Variants in IPO5 observed in about 807,000 individuals in gnomAD.
IPO5 encodes the protein importin 5, also known as importin-5.
A neutral mutation model predicts 143.3 loss-of-function variants in IPO5; 18 were observed. The ratio of observed to expected loss-of-function variants is 0.13; its 90% CI spans 0.09 to 0.19. The LOEUF (loss-of-function observed/expected upper bound fraction) is 0.19, where lower values mean the gene tolerates loss of function less well. IPO5 is among the 10% of genes least tolerant of loss of function. The pLI is 1.00. For synonymous variants in IPO5, 477 were observed against 465.7 expected, an observed-to-expected ratio of 1.02 and a Z score of -0.31; for missense variants, 1,013 against 1,336.9, an observed-to-expected ratio of 0.76 and a Z score of 3.78.
At chr13:97,983,957 G>A (rs1463892651) in intron 5 of IPO5, among the ~76,000 whole-genome samples, 1 of 139,092 alleles carries the variant, frequency 7.2e-6, no homozygotes, top group African/African-American at 2.6e-5. Context: ...CCCTATATAG[G>A]GTAACTTCTT....
At chr13:97,980,886 G>A (rs1008420577) in intron 4 of IPO5, among the ~76,000 whole-genome samples, 2 of 150,914 alleles carry the variant, frequency 1.3e-5, no homozygotes, top group African/African-American at 2.4e-5. Flanking sequence ...AAATTTAAGT[G>A]TTAAACATTG....
At position 97,993,087 on chromosome 13, in the gene IPO5, AAT is replaced by A. The variant is rs1354289865; in HGVS notation, c.793-15_793-14del. ...TAATCTAAATTATTAAATGTATACA[AAT>A]ATGTCTTCTTTGTAGTTGTGTGGAG... On this transcript the variant is annotated splice_polypyrimidine_tract_variant and intron_variant, in intron 10 of 28. Coordinates refer to ENST00000651721, the MANE Select transcript of IPO5 (RefSeq NM_002271.6). 6.2e-7 allele frequency: 1 copy of A among 1,613,728 alleles called. No homozygotes were observed. Among genetic ancestry groups the A allele is most frequent in the South Asian group, 1.1e-5 (1 of 90,990 alleles).
In IPO5 at chr13:98,016,741, G is replaced by A; in HGVS notation, c.2506G>A (p.Val836Ile). The A allele has an allele frequency of 6.9e-7, 1 of 1,456,130 alleles. No individual in the cohort carries two copies. Among genetic ancestry groups the A allele is most frequent in the Non-Finnish European group, 9.3e-7 (1 of 1,070,086 alleles). The allele number at this position is 1,456,130 out of a possible 1,614,324, so 90.2% of individuals were successfully genotyped here. A position where few individuals can be genotyped will look rare whatever the true frequency, so the allele number is the denominator to read the frequency against. Residue 836 changes from valine to isoleucine, a missense_variant, in exon 25 of 29, where the codon GTT becomes ATT. Val to Ile is a conservative substitution (Grantham distance 29). Transcript: ENST00000651721. The part of the protein sequence containing the change: ...ESLQDEDDND[V>I]YILTKVSDIL... ...ATGTTTTTTTTAGGATGATAATGAT[G>A]TTTATATTCTGACCAAAGTGTCAGA...
intron 4 of IPO5, chr13:97,976,999 T>A: frequency 4.9e-6 from 1 of 205,382 alleles, no homozygotes; most frequent in Non-Finnish European, 1.0e-5. Flanking sequence ...CTGGCACCAG[T>A]TACCTCCCCG....
At chr13:97,986,432 C>T (rs574031421) in intron 6 of IPO5, among the ~76,000 whole-genome samples, 32 of 151,916 alleles carry the variant, frequency 2.1e-4, no homozygotes, top group Middle Eastern at 3.4e-3. Flanking sequence ...CTTGGCTCAC[C>T]GCAACCTCCG....
intron 10 of IPO5, 41 bp from the exon 11 acceptor site, chr13:97,993,064 A>C (rs760071020): frequency 6.2e-7 from 1 of 1,612,118 alleles, no homozygotes. Flanking sequence ...TCAGGGACTA[A>C]TCTAAATTAT....
chr13:97,985,900 A>T (rs1887300822), intron 6 of IPO5, among the ~76,000 whole-genome samples: 1 of 152,158 alleles, frequency 6.6e-6, no homozygotes, highest in East Asian at 1.9e-4. Context: ...AGGTGGGCAC[A>T]TCGCTTGAGT....
At chr13:98,001,489 C>T (rs1888771814) in intron 13 of IPO5, among the ~76,000 whole-genome samples, 1 of 152,104 alleles carries the variant, frequency 6.6e-6, no homozygotes, top group African/African-American at 2.4e-5. Flanking sequence ...CCACGCCCAG[C>T]TATTTCGAGA....
intron 2 of IPO5, among the ~76,000 whole-genome samples, chr13:97,957,783 AT>A (rs548198782): frequency 4.6e-5 from 7 of 152,150 alleles, no homozygotes; most frequent in Non-Finnish European, 1.0e-4. Context: ...GCATTAGTGG[AT>A]TCCTTCTCTT....
At position 98,023,467 on chromosome 13, in the gene IPO5, T is replaced by A. The variant is rs1890606114; in HGVS notation, c.*1645T>A. The A allele has an allele frequency of 6.6e-6, 1 of 152,254 alleles. No individual in the cohort carries two copies. The highest frequency in any genetic ancestry group is 6.5e-5 in the Admixed American group (1 of 15,288). 9.4% of individuals were successfully genotyped at this position (152,254 alleles called of 1,614,324 possible). A position where few individuals can be genotyped will look rare whatever the true frequency, so the allele number is the denominator to read the frequency against. On this transcript the variant is annotated 3_prime_UTR_variant, in exon 29 of 29. Transcript: ENST00000651721. ...CAGCTAGAGCAATGTAGGCTTTTTT[T>A]AATTTAAATTATTACTACACTTTAT...
chr13:98,002,295 G>A (rs1387556207), intron 13 of IPO5, 172 bp from the exon 14 acceptor site: 12 of 470,706 alleles, frequency 2.5e-5, no homozygotes, highest in Non-Finnish European at 3.6e-5. Context: ...GATTACAGGC[G>A]CGAGCCACCG....
chr13:97,994,952 C>T (rs957304149), intron 11 of IPO5, among the ~76,000 whole-genome samples: 1 of 151,890 alleles, frequency 6.6e-6, no homozygotes, highest in African/African-American at 2.4e-5. Flanking sequence ...ATGACGAAAC[C>T]CTTTCTCTGC....
rs1566579905 is a variant in IPO5 at position 98,021,150 on chromosome 13, GA to G, written c.3207+19del. On this transcript the variant is annotated intron_variant, in intron 28 of 28. Coordinates refer to ENST00000651721, the MANE Select transcript of IPO5 (RefSeq NM_002271.6). ...CAAGTACAGGTAAGCTGATTTGGTTGAATTGGGGAGGGGGAGATAAAACCTT... is the reference window on the plus strand; with the variant it reads ...CAAGTACAGGTAAGCTGATTTGGTTGATTGGGGAGGGGGAGATAAAACCTT... 6.3e-7 allele frequency: 1 copy of G among 1,581,318 alleles called. No individual in the cohort carries two copies. Among genetic ancestry groups the G allele is most frequent in the Non-Finnish European group, 8.6e-7 (1 of 1,167,632 alleles).
At position 98,012,289 on chromosome 13, in the gene IPO5, C is replaced by A; in HGVS notation, c.2099C>A (p.Thr700Asn). 1 of 1,613,000 alleles carries A rather than the reference C, an allele frequency of 6.2e-7. No homozygotes were observed. Among genetic ancestry groups the A allele is most frequent in the Non-Finnish European group, 8.5e-7 (1 of 1,178,972 alleles). ...TTAAAGGAAGGCTTTGTGGAGTACA[C>A]CGAACAGGTTGTCAAACTGATGGTC... ...KELKEGFVEY[T>N]EQVVKLMVPL... The change falls in exon 21 of 29, where the codon ACC (threonine) becomes AAC (asparagine). Residue 700 changes from threonine (T) to asparagine (N), a missense_variant. By Grantham distance (65) the Thr-to-Asn change is moderately conservative (BLOSUM62 0). This residue lies in a region of IPO5 where 685 missense variants were observed against 994.9 expected (regional missense o/e 0.69). Coordinates refer to ENST00000651721, the MANE Select transcript of IPO5 (RefSeq NM_002271.6).
chr13:98,010,278 A>C, intron 20 of IPO5, 54 bp downstream of exon 20: 2 of 1,499,298 alleles, frequency 1.3e-6, no homozygotes, highest in Non-Finnish European at 1.8e-6. Flanking sequence ...TATACATTTC[A>C]TATGAGTGCT....
chr13:97,997,869 A>C (rs1376096346), intron 12 of IPO5, among the ~76,000 whole-genome samples: 2 of 152,254 alleles, frequency 1.3e-5, no homozygotes, highest in African/African-American at 4.8e-5. Flanking sequence ...TTAATACATA[A>C]AGTTGTATTT....
intron 27 of IPO5, 58 bp from the exon 28 acceptor site, chr13:98,020,934 C>T (rs1890444491): frequency 3.6e-6 from 5 of 1,375,920 alleles, no homozygotes; most frequent in Admixed American, 1.9e-5. Context: ...TTAGTGAACA[C>T]ATAATCATAT....
chr13:97,981,349 T>C (rs767033175), intron 4 of IPO5: 18 of 442,074 alleles, frequency 4.1e-5, no homozygotes, highest in Non-Finnish European at 8.1e-5. Flanking sequence ...TTGAATATGG[T>C]TGGCCTTAGA....
At chr13:97,995,179 G>C (rs1310012726) in intron 11 of IPO5, among the ~76,000 whole-genome samples, 34 of 131,756 alleles carry the variant, frequency 2.6e-4, no homozygotes, top group Admixed American at 8.4e-4. Flanking sequence ...TTCTTTCTTT[G>C]TTTTTTTTTT....
Sources: allele counts gnomAD v4.1 joint callset (sites outside exome capture counted in the v4.1 genomes callset), GRCh38; gene constraint gnomAD v4.1.1; regional missense constraint gnomAD v4.1.1; transcripts MANE v1.5; gene names NCBI Gene and HGNC (gene_info 2026-07-23, HGNC 2026-07-21).